HDAC9: variants seen among roughly 807,000 people sequenced by gnomAD.
The protein encoded by HDAC9 is histone deacetylase 9.
A neutral mutation model predicts 139.4 loss-of-function variants in HDAC9; 41 were observed. That is an observed-to-expected ratio of 0.29 (90% CI 0.23 to 0.38). The LOEUF (loss-of-function observed/expected upper bound fraction) is 0.38, where lower values mean the gene tolerates loss of function less well. Among genes scored for constraint, HDAC9 ranks in the 10% least tolerant of loss-of-function variants. The probability of loss-of-function intolerance (pLI) is 1.00; values close to 1 mark genes in which losing one functional copy is unlikely to be tolerated. For missense variants in HDAC9, 1,147 were observed against 1,297.0 expected, an observed-to-expected ratio of 0.88 and a Z score of 1.78; for synonymous variants, 517 against 476.2, an observed-to-expected ratio of 1.09 and a Z score of -1.12.
At chr7:18,388,414 G>A (rs1335684554) in intron 1 of HDAC9, among the ~76,000 whole-genome samples, 1 of 152,204 alleles carries the variant, frequency 6.6e-6, no homozygotes, top group Non-Finnish European at 1.5e-5. Context: ...GTTTTGTGCA[G>A]CCTGTGAGGA....
At chr7:18,589,445 T>C (rs1158003572) in intron 3 of HDAC9, among the ~76,000 whole-genome samples, 1 of 151,830 alleles carries the variant, frequency 6.6e-6, no homozygotes, top group Non-Finnish European at 1.5e-5. Context: ...AAGGTGGGAG[T>C]ATCGCTTGAG....
chr7:18,367,667 G>A (rs1233230418), intron 1 of HDAC9, among the ~76,000 whole-genome samples: 1 of 151,954 alleles, frequency 6.6e-6, no homozygotes, highest in Non-Finnish European at 1.5e-5. Flanking sequence ...ATGTTTTCTG[G>A]TACATGTATG....
At chr7:18,409,299 G>GTAA (rs1476933709) in intron 1 of HDAC9, among the ~76,000 whole-genome samples, 3 of 152,086 alleles carry the variant, frequency 2.0e-5, no homozygotes, top group African/African-American at 7.2e-5. Context: ...TCCTGTGCTA[G>GTAA]TAATATATCA....
At chr7:18,818,311 G>C (rs879333074) in intron 17 of HDAC9, among the ~76,000 whole-genome samples, 1 of 152,128 alleles carries the variant, frequency 6.6e-6, no homozygotes, top group Non-Finnish European at 1.5e-5. Flanking sequence ...CGATCAGCTG[G>C]TCTGATATGC....
intron 21 of HDAC9, among the ~76,000 whole-genome samples, chr7:18,837,094 G>C (rs1562976519): frequency 6.6e-6 from 1 of 151,550 alleles, no homozygotes; most frequent in Admixed American, 6.6e-5. Flanking sequence ...AGCAGGTCCA[G>C]GAAAAATGAT....
At chr7:18,457,718 A>G (rs1339459443) in intron 1 of HDAC9, among the ~76,000 whole-genome samples, 1 of 152,192 alleles carries the variant, frequency 6.6e-6, no homozygotes, top group East Asian at 1.9e-4. Flanking sequence ...AGTTTTTTAA[A>G]AATAGTTTAC....
intron 1 of HDAC9, among the ~76,000 whole-genome samples, chr7:18,160,610 G>A (rs1189011027): frequency 6.6e-6 from 1 of 151,954 alleles, no homozygotes; most frequent in African/African-American, 2.4e-5. Context: ...AGCAATGTTT[G>A]TATTTATTAT....
chr7:18,268,899 A>G (rs941570139), intron 2 of HDAC9, among the ~76,000 whole-genome samples: 7 of 152,334 alleles, frequency 4.6e-5, no homozygotes, highest in Non-Finnish European at 7.4e-5. Context: ...TAAGAAAACA[A>G]TTGAATAGCT....
intron 21 of HDAC9, among the ~76,000 whole-genome samples, chr7:18,845,876 G>A (rs1796871249): frequency 6.6e-6 from 1 of 152,154 alleles, no homozygotes; most frequent in African/African-American, 2.4e-5. Flanking sequence ...CATCTGCTCT[G>A]TCTGTGTTTT....
chr7:18,126,136 G>C (rs934168723), intron 1 of HDAC9, among the ~76,000 whole-genome samples: 1 of 152,046 alleles, frequency 6.6e-6, no homozygotes, highest in African/African-American at 2.4e-5. Flanking sequence ...TGGATTTCTG[G>C]TATTGATTCG....
At chr7:18,796,809 A>C (rs943648685) in intron 17 of HDAC9, among the ~76,000 whole-genome samples, 9 of 152,222 alleles carry the variant, frequency 5.9e-5, no homozygotes, top group Non-Finnish European at 1.3e-4. Context: ...TTGTAATCAT[A>C]AATAAAAAAG....
intron 1 of HDAC9, among the ~76,000 whole-genome samples, chr7:18,134,425 A>C (rs1164792726): frequency 1.3e-5 from 2 of 152,172 alleles, no homozygotes; most frequent in African/African-American, 4.8e-5. Flanking sequence ...CTAGTGCTTA[A>C]TTTCCACCAT....
intron 12 of HDAC9, among the ~76,000 whole-genome samples, chr7:18,698,730 C>A (rs1207742528): frequency 6.6e-6 from 1 of 152,144 alleles, no homozygotes; most frequent in African/African-American, 2.4e-5. Flanking sequence ...GTGACTTTTC[C>A]CAGAAAGGTC....
chr7:18,684,495 A>T (rs1782121911), intron 12 of HDAC9, among the ~76,000 whole-genome samples: 1 of 151,740 alleles, frequency 6.6e-6, no homozygotes, highest in African/African-American at 2.4e-5. Context: ...CAAACAAACA[A>T]TAAAACTATA....
intron 12 of HDAC9, among the ~76,000 whole-genome samples, chr7:18,714,235 G>T (rs192337151): frequency 2.0e-5 from 3 of 152,312 alleles, no homozygotes; most frequent in Admixed American, 1.3e-4. Flanking sequence ...GCGTAGCAAG[G>T]TGTGTGAAGA....
At chr7:18,969,779 C>T (rs1784130226) in intron 24 of HDAC9, among the ~76,000 whole-genome samples, 1 of 152,100 alleles carries the variant, frequency 6.6e-6, no homozygotes, top group Non-Finnish European at 1.5e-5. Flanking sequence ...AAGTTGAAGA[C>T]ATAGCAGCAT....
rs898988349 is a variant in HDAC9 at position 18,998,651 on chromosome 7, C to G, written c.*2589C>G. ...AGCACTTTTTGAAAGGGTAGTTTCA[C>G]TTGGTATAGTTTTTCTTCACTTACC... On this transcript the variant is annotated 3_prime_UTR_variant, in exon 26 of 26. Coordinates refer to ENST00000686413, the MANE Select transcript of HDAC9 (RefSeq NM_178425.4). The G allele has an allele frequency of 1.3e-5, 2 of 152,160 alleles. No homozygotes were observed. The highest frequency in any genetic ancestry group is 4.8e-5 in the African/African-American group (2 of 41,430). The allele number at this position is 152,160 out of a possible 1,614,324, so 9.4% of individuals were successfully genotyped here. A position where few individuals can be genotyped will look rare whatever the true frequency, so the allele number is the denominator to read the frequency against.
intron 1 of HDAC9, among the ~76,000 whole-genome samples, chr7:18,375,517 C>A (rs961920848): frequency 6.6e-6 from 1 of 151,948 alleles, no homozygotes; most frequent in African/African-American, 2.4e-5. Flanking sequence ...TTATATAATG[C>A]GGTTGGTATA....
chr7:18,298,965 G>T (rs1397436288), intron 1 of HDAC9, among the ~76,000 whole-genome samples: 7 of 152,084 alleles, frequency 4.6e-5, no homozygotes, highest in Non-Finnish European at 8.8e-5. Context: ...GATTGTATCT[G>T]TTAGATTCAA....
Sources: gnomAD v4.1 joint callset for allele counts (sites outside exome capture counted in the v4.1 genomes callset) on GRCh38, gnomAD v4.1.1 for gene constraint, MANE v1.5 for transcripts, NCBI Gene and HGNC (gene_info 2026-07-23, HGNC 2026-07-21) for gene names.